The following DENND5B variants were observed in gnomAD, a reference collection of about 807,000 sequenced individuals.
The protein encoded by DENND5B is DENN domain-containing protein 5B.
In DENND5B, 34 loss-of-function variants were observed where a neutral mutation model predicts 140.6. The ratio of observed to expected loss-of-function variants is 0.24; its 90% CI spans 0.18 to 0.32. The LOEUF is 0.32. Ranked by LOEUF, DENND5B falls within the 10% of genes least tolerant of loss-of-function variation. The pLI is 1.00. For missense variants in DENND5B, 1,142 were observed against 1,560.2 expected (o/e 0.73, Z 4.52); for synonymous variants, 551 against 562.1 (o/e 0.98, Z 0.28).
chr12:31,398,151 T>A lies in DENND5B; in HGVS notation c.3256+24A>T. 2.6e-6 allele frequency: 4 copies of A among 1,554,186 alleles called. No individual in the cohort carries two copies. The African/African-American group carries it at 4.1e-5, about 16-fold the overall frequency. On this transcript the variant is annotated intron_variant, in intron 17 of 20. Transcript: ENST00000389082. Reference sequence around the variant, plus strand: ...ATGAAGCCTACATCATAGGAGCACATAAGAAAAATTTAAATAAATTTACTG... The same window carrying A: ...ATGAAGCCTACATCATAGGAGCACAAAAGAAAAATTTAAATAAATTTACTG...
intron 7 of DENND5B, among the ~76,000 whole-genome samples, chr12:31,438,484 C>G (rs1047341872): frequency 1.3e-5 from 2 of 152,074 alleles, no homozygotes; most frequent in Admixed American, 6.6e-5. Context: ...GTGCAAAGAT[C>G]TAGTTACAGA....
At chr12:31,433,756 T>C (rs1943622420) in intron 7 of DENND5B, among the ~76,000 whole-genome samples, 2 of 152,312 alleles carry the variant, frequency 1.3e-5, no homozygotes, top group Middle Eastern at 3.4e-3. Context: ...ACTTGACTAG[T>C]TGCAATGGCT....
Position 31,495,886 on chromosome 12 carries a change from G to A in DENND5B, c.161C>T (p.Thr54Ile), listed in dbSNP as rs767427368. 6.2e-7 allele frequency: 1 copy of A among 1,612,608 alleles called. No homozygotes were observed. Among genetic ancestry groups the A allele is most frequent in the African/African-American group, 1.3e-5 (1 of 75,014 alleles). The part of the protein sequence containing the change: ...ENFDQSPLRR[T>I]FKSKVLAHYP... ...GTGGGCGAGAACTTTGGATTTGAAT[G>A]TTCTTCTCAAAGGACTCTGGTCAAA... Residue 54 changes from threonine (T) to isoleucine (I), a missense_variant, in exon 2 of 21, where the codon ACA (threonine) becomes ATA (isoleucine). Coordinates refer to ENST00000389082, the MANE Select transcript of DENND5B (RefSeq NM_144973.4).
intron 11 of DENND5B, among the ~76,000 whole-genome samples, chr12:31,415,992 C>T (rs1942719160): frequency 6.6e-6 from 1 of 152,000 alleles, no homozygotes; most frequent in Admixed American, 6.6e-5. Flanking sequence ...TGCACCACCA[C>T]ACCTGGCTAA....
At chr12:31,580,436 C>T (rs1365619246) in intron 1 of DENND5B, among the ~76,000 whole-genome samples, 1 of 152,096 alleles carries the variant, frequency 6.6e-6, no homozygotes, top group African/African-American at 2.4e-5. Flanking sequence ...TTTCATCAAT[C>T]TCAAGCTTCT....
chr12:31,586,003 T>A (rs574475906), intron 1 of DENND5B, among the ~76,000 whole-genome samples: 1 of 152,224 alleles, frequency 6.6e-6, no homozygotes, highest in South Asian at 2.1e-4. Context: ...GTGTACTGTA[T>A]ATAAGGTACT....
chr12:31,406,135 C>T lies in DENND5B; in HGVS notation c.2803+3128G>A, dbSNP rs192898385. Among the ~76,000 whole-genome samples the T allele has an allele frequency of 3.6e-3, 548 of 152,152 alleles. 2 individuals are homozygous for T. Among genetic ancestry groups the T allele is most frequent in the African/African-American group, 0.013 (528 of 41,524 alleles). On this transcript the variant is annotated intron_variant, in intron 14 of 20. Transcript: ENST00000389082. The stretch of plus-strand genomic sequence containing the variant: ...TGCTAGGATTACAGGTGTGAGCCAC[C>T]ATGCCCAGCCATTTTTTTTTTTAAG...
chr12:31,533,182 C>G (rs1448125567), intron 1 of DENND5B, among the ~76,000 whole-genome samples: 1 of 152,116 alleles, frequency 6.6e-6, no homozygotes, highest in Non-Finnish European at 1.5e-5. Context: ...CCTCCTATTA[C>G]AGCAGGCTCT....
intron 1 of DENND5B, among the ~76,000 whole-genome samples, chr12:31,583,680 A>AAAAAAC (rs138197353): frequency 0.36 from 53,971 of 150,280 alleles, 10,378 homozygotes; most frequent in East Asian, 0.56. Flanking sequence ...TGTGTCTGGG[A>AAAAAAC]AAAAACAAAA....
chr12:31,476,937 T>C (rs1017701204), intron 3 of DENND5B, among the ~76,000 whole-genome samples: 8 of 152,196 alleles, frequency 5.3e-5, no homozygotes, highest in Non-Finnish European at 1.0e-4. Context: ...AATACAAAGT[T>C]CTTTTTTTCG....
chr12:31,568,053 T>C (rs1316531350), intron 1 of DENND5B, among the ~76,000 whole-genome samples: 5 of 152,232 alleles, frequency 3.3e-5, no homozygotes, highest in South Asian at 4.1e-4. Flanking sequence ...ATTCAACAAG[T>C]AGAGAATACA....
At chr12:31,439,286 A>G (rs1399922888) in intron 7 of DENND5B, among the ~76,000 whole-genome samples, 1 of 152,216 alleles carries the variant, frequency 6.6e-6, no homozygotes, top group Non-Finnish European at 1.5e-5. Context: ...TCTTGACTAT[A>G]TCTACCTGAA....
chr12:31,500,190 A>T (rs1199491662), intron 1 of DENND5B, among the ~76,000 whole-genome samples: 1 of 152,202 alleles, frequency 6.6e-6, no homozygotes, highest in Non-Finnish European at 1.5e-5. Flanking sequence ...TTTTTGGATT[A>T]GGAATGCTCA....
chr12:31,394,324 C>G (rs998954800), intron 17 of DENND5B, among the ~76,000 whole-genome samples: 2 of 151,650 alleles, frequency 1.3e-5, no homozygotes, highest in African/African-American at 4.9e-5. Flanking sequence ...AGTCTTGGGT[C>G]ATTTAGACTT....
intron 1 of DENND5B, among the ~76,000 whole-genome samples, chr12:31,523,650 C>T (rs1947984545): frequency 6.6e-6 from 1 of 150,916 alleles, no homozygotes; most frequent in Non-Finnish European, 1.5e-5. Context: ...TATTAAATGC[C>T]ATTAAATTGT....
intron 8 of DENND5B, among the ~76,000 whole-genome samples, chr12:31,430,005 T>C (rs757117901): frequency 9.9e-5 from 15 of 151,234 alleles, no homozygotes; most frequent in Non-Finnish European, 1.9e-4. Context: ...CCGCCCAGCC[T>C]GAATACTTTT....
At chr12:31,462,119 C>T (rs1027143529) in intron 3 of DENND5B, among the ~76,000 whole-genome samples, 1 of 152,026 alleles carries the variant, frequency 6.6e-6, no homozygotes, top group Admixed American at 6.6e-5. Context: ...CACCAGGTGG[C>T]CTAAAAGGTA....
intron 1 of DENND5B, among the ~76,000 whole-genome samples, chr12:31,527,512 G>A (rs2139052501): frequency 6.6e-6 from 1 of 152,290 alleles, no homozygotes; most frequent in South Asian, 2.1e-4. Flanking sequence ...GGGCGTGGTG[G>A]CTCATGCCTA....
intron 3 of DENND5B, among the ~76,000 whole-genome samples, chr12:31,475,075 C>T (rs1737695412): frequency 1.3e-5 from 2 of 152,146 alleles, no homozygotes; most frequent in African/African-American, 4.8e-5. Context: ...TCATCTTGGG[C>T]AGATTACTTA....
Sources: gnomAD v4.1 joint callset for allele counts (sites outside exome capture counted in the v4.1 genomes callset) on GRCh38, gnomAD v4.1.1 for gene constraint, MANE v1.5 for transcripts, NCBI Gene and HGNC (gene_info 2026-07-23, HGNC 2026-07-21) for gene names.